The following GIGYF2 variants were observed in gnomAD, a reference collection of about 807,000 sequenced individuals.
GIGYF2 encodes the protein GRB10 interacting GYF protein 2.
Under a neutral mutation model 208.1 loss-of-function variants are expected in GIGYF2, and 25 were observed. The observed-to-expected ratio is 0.12, with a 90% CI of 0.09 to 0.17. GIGYF2 has a LOEUF of 0.17. Among genes scored for constraint, GIGYF2 ranks in the 10% least tolerant of loss-of-function variants. The pLI, the probability that GIGYF2 is intolerant of heterozygous loss-of-function variation, is 1.00. For synonymous variants in GIGYF2, 534 were observed against 543.8 expected (o/e 0.98, Z 0.25); for missense variants, 1,302 against 1,579.4 (o/e 0.82, Z 2.98).
At chr2:232,699,915 A>C in intron 1 of GIGYF2, among the ~76,000 whole-genome samples, 1 of 152,208 alleles carries the variant, frequency 6.6e-6, no homozygotes, top group Middle Eastern at 3.4e-3. Context: ...CTCCACTTTT[A>C]CCTTTCAGAC....
chr2:232,715,293 G>T (rs1025495804), intron 2 of GIGYF2, among the ~76,000 whole-genome samples: 17 of 152,018 alleles, frequency 1.1e-4, no homozygotes, highest in African/African-American at 3.4e-4. Context: ...TCAGTTTTGG[G>T]CTATTAGACG....
chr2:232,717,263 G>A (rs1696730090), intron 2 of GIGYF2, among the ~76,000 whole-genome samples: 1 of 152,138 alleles, frequency 6.6e-6, no homozygotes, highest in Admixed American at 6.5e-5. Context: ...AGTGGGCTAT[G>A]GGCACAGCCC....
intron 2 of GIGYF2, among the ~76,000 whole-genome samples, chr2:232,711,441 C>G (rs564271567): frequency 6.6e-6 from 1 of 151,586 alleles, no homozygotes; most frequent in Non-Finnish European, 1.5e-5. Context: ...TCTATCATAT[C>G]AAGAAATCTA....
intron 7 of GIGYF2, among the ~76,000 whole-genome samples, chr2:232,761,100 A>G (rs1157067085): frequency 6.6e-6 from 1 of 152,184 alleles, no homozygotes; most frequent in African/African-American, 2.4e-5. Context: ...GAAAATATTT[A>G]ATGATGTGGG....
At chr2:232,809,647 C>A (rs1018779008) in intron 15 of GIGYF2, 73 bp from the exon 16 acceptor site, 2 of 837,640 alleles carry the variant, frequency 2.4e-6, no homozygotes, top group Admixed American at 3.4e-5. Flanking sequence ...ATTTCAGATA[C>A]CTGTACTAAG....
intron 22 of GIGYF2, among the ~76,000 whole-genome samples, chr2:232,838,270 A>T (rs1346718326): frequency 6.6e-6 from 1 of 151,596 alleles, no homozygotes; most frequent in Non-Finnish European, 1.5e-5. Flanking sequence ...ATATGTGTGT[A>T]TGTGTGTGTG....
chr2:232,829,045 G>A (rs1281083593), intron 21 of GIGYF2, among the ~76,000 whole-genome samples: 4 of 152,092 alleles, frequency 2.6e-5, no homozygotes, highest in Non-Finnish European at 4.4e-5. Flanking sequence ...ATTGATTCCT[G>A]GGAGAGATGC....
chr2:232,798,766 A>T lies in GIGYF2; in HGVS notation c.1639+2545A>T, dbSNP rs143857570. Among the ~76,000 whole-genome samples the T allele has an allele frequency of 2.1e-3, 317 of 150,706 alleles. 1 individual carries two copies. The highest frequency in any genetic ancestry group is 7.4e-3 in the African/African-American group (305 of 40,968). On this transcript the variant is annotated intron_variant, in intron 14 of 28. Coordinates refer to ENST00000373563, the MANE Select transcript of GIGYF2 (RefSeq NM_001103146.3). ...TTCATGTCTTTTTTGTTCATGTCCTAATTGGATTGTTTGCTTATTTTACGT... is the reference window on the plus strand; with the variant it reads ...TTCATGTCTTTTTTGTTCATGTCCTTATTGGATTGTTTGCTTATTTTACGT...
chr2:232,733,581 A>T (rs1009549336), intron 2 of GIGYF2, among the ~76,000 whole-genome samples: 1 of 152,204 alleles, frequency 6.6e-6, no homozygotes, highest in Admixed American at 6.5e-5. Flanking sequence ...CTTGGTCCCC[A>T]GTGCCGTGTG....
chr2:232,802,536 C>A (rs148108289), intron 14 of GIGYF2, among the ~76,000 whole-genome samples: 1 of 152,088 alleles, frequency 6.6e-6, no homozygotes, highest in East Asian at 1.9e-4. Flanking sequence ...TTACATTGAT[C>A]AATTTTCATA....
intron 9 of GIGYF2, chr2:232,788,647 C>A (rs990979211): frequency 2.2e-6 from 1 of 460,832 alleles, no homozygotes; most frequent in Non-Finnish European, 4.5e-6. Context: ...GATGTTGATT[C>A]TATTAAAGGG....
intron 16 of GIGYF2, chr2:232,810,729 A>G (rs892108998): frequency 4.4e-5 from 8 of 181,568 alleles, no homozygotes; most frequent in Admixed American, 2.7e-4. Context: ...AGATGAAACT[A>G]TTTACTCTCT....
intron 3 of GIGYF2, among the ~76,000 whole-genome samples, 154 bp from the exon 4 acceptor site, chr2:232,747,461 A>G (rs1274394837): frequency 6.6e-6 from 1 of 152,202 alleles, no homozygotes; most frequent in Non-Finnish European, 1.5e-5. Context: ...GCCATGACAA[A>G]AGATTGTATT....
chr2:232,795,264 T>G (rs1247779929), intron 13 of GIGYF2, among the ~76,000 whole-genome samples: 2 of 152,216 alleles, frequency 1.3e-5, no homozygotes, highest in Non-Finnish European at 2.9e-5. Context: ...CACTGTATCT[T>G]TTGTATTTTT....
intron 9 of GIGYF2, among the ~76,000 whole-genome samples, chr2:232,787,589 A>C (rs933199005): frequency 3.3e-5 from 5 of 152,188 alleles, no homozygotes; most frequent in African/African-American, 1.2e-4. Context: ...CAACTGCAGA[A>C]ATGAGGGTTT....
chr2:232,704,224 C>A (rs1286589211), intron 2 of GIGYF2, among the ~76,000 whole-genome samples: 2 of 152,054 alleles, frequency 1.3e-5, no homozygotes, highest in Non-Finnish European at 2.9e-5. Context: ...AGGTGGACTC[C>A]CAGAGAAGCT....
intron 26 of GIGYF2, among the ~76,000 whole-genome samples, chr2:232,846,383 G>T (rs1302898237): frequency 6.6e-6 from 1 of 152,190 alleles, no homozygotes; most frequent in Non-Finnish European, 1.5e-5. Context: ...CTTTGGCACA[G>T]TTTAGAGAAA....
chr2:232,843,220 C>T (rs1701882013), intron 23 of GIGYF2, among the ~76,000 whole-genome samples: 1 of 146,604 alleles, frequency 6.8e-6, no homozygotes, highest in South Asian at 2.2e-4. Context: ...AGGAAGTAAA[C>T]ATGTGTTTTA....
intron 8 of GIGYF2, among the ~76,000 whole-genome samples, chr2:232,776,131 A>G (rs1444827488): frequency 2.0e-5 from 3 of 152,098 alleles, no homozygotes; most frequent in South Asian, 4.1e-4. Flanking sequence ...AAAGAAAAAG[A>G]CTTTTTTTTT....
Sources: allele counts gnomAD v4.1 joint callset (sites outside exome capture counted in the v4.1 genomes callset), GRCh38; gene constraint gnomAD v4.1.1; transcripts MANE v1.5; gene names NCBI Gene and HGNC (gene_info 2026-07-23, HGNC 2026-07-21).